YIPF4: variants seen among roughly 807,000 people sequenced by gnomAD.
The protein encoded by YIPF4 is protein YIPF4.
A neutral mutation model predicts 29.4 loss-of-function variants in YIPF4; 18 were observed. The ratio of observed to expected loss-of-function variants is 0.61; its 90% confidence interval spans 0.42 to 0.91. The LOEUF (loss-of-function observed/expected upper bound fraction) is 0.91. YIPF4 is among the 40% of genes least tolerant of loss of function. The probability of loss-of-function intolerance (pLI) is 0.00; values close to 1 mark genes in which losing one functional copy is unlikely to be tolerated. For missense variants in YIPF4, 279 were observed against 282.7 expected, an observed-to-expected ratio of 0.99 and a Z score of 0.09; for synonymous variants, 115 against 104.7, an observed-to-expected ratio of 1.10 and a Z score of -0.60.
intron 1 of YIPF4, among the ~76,000 whole-genome samples, chr2:32,286,728 T>G (rs2030687674): frequency 6.6e-6 from 1 of 152,050 alleles, no homozygotes; most frequent in Non-Finnish European, 1.5e-5. Flanking sequence ...GCATTTTTAG[T>G]AGAGACAGGG....
Position 32,290,559 on chromosome 2 carries a change from T to G in YIPF4, c.156T>G (p.Thr52=), listed in dbSNP as rs2030866743. 2 of 1,591,788 alleles carry G rather than the reference T, an allele frequency of 1.3e-6. No individual in the cohort carries two copies. The highest frequency in any genetic ancestry group is 4.6e-5 in the East Asian group (2 of 43,090). ...ATTTTATCAAAGAATCTACAGCTAC[T>G]ACATTTCTGAGACAAAGAGGTTATG... is the stretch of plus-strand genomic sequence containing the variant. ...GGDFIKESTA[T]TFLRQRGYGW... is the part of the protein sequence containing the mutation. The change falls in exon 2 of 6, where the codon ACT becomes ACG. Residue 52 remains threonine (T), a synonymous_variant. Coordinates refer to ENST00000238831, the MANE Select transcript of YIPF4 (RefSeq NM_032312.4).
Position 32,314,165 on chromosome 2 carries a change from GT to G in YIPF4, c.*8541del, listed in dbSNP as rs1467932985. On this transcript the variant is annotated 3_prime_UTR_variant, in exon 6 of 6. Transcript: ENST00000238831. ...ATGTCCATCAACACAGAATAGACAA[GT>G]TGGTATAATTACACAATGGAATCTT... 6.6e-6 allele frequency: 1 copy of G among 152,200 alleles called. No homozygotes were observed. Among genetic ancestry groups the G allele is most frequent in the Non-Finnish European group, 1.5e-5 (1 of 68,046 alleles). 9.4% of individuals were successfully genotyped at this position (152,200 alleles called of 1,614,324 possible).
chr2:32,279,626 G>T (rs2030296483), intron 1 of YIPF4, among the ~76,000 whole-genome samples: 1 of 140,232 alleles, frequency 7.1e-6, no homozygotes, highest in East Asian at 2.2e-4. Flanking sequence ...AGCCAGGATG[G>T]TCTCGATCTC....
intron 5 of YIPF4, among the ~76,000 whole-genome samples, chr2:32,303,893 T>A (rs2031488006): frequency 6.6e-6 from 1 of 152,188 alleles, no homozygotes; most frequent in Admixed American, 6.5e-5. Context: ...CTTACCATCA[T>A]TTCCTGGTGT....
At chr2:32,301,994 C>G (rs1203735073) in intron 5 of YIPF4, among the ~76,000 whole-genome samples, 1 of 150,880 alleles carries the variant, frequency 6.6e-6, no homozygotes, top group Non-Finnish European at 1.5e-5. Flanking sequence ...CATGAGCCAC[C>G]ACACCCGGCC....
Position 32,292,141 on chromosome 2 carries a change from G to C in YIPF4, c.234-36G>C, listed in dbSNP as rs137991480. On this transcript the variant is annotated intron_variant, in intron 2 of 5. Transcript: ENST00000238831. ...TGGAATTGTTTTAGTATTCAGAAAT[G>C]TGTGCCTTTTGAGAATTTTTATTTT... The C allele has an allele frequency of 1.4e-4, 188 of 1,330,352 alleles. No homozygotes were observed. The East Asian group carries it at 4.8e-3, about 34-fold the overall frequency. The allele number at this position is 1,330,352 out of a possible 1,614,324, so 82.4% of individuals were successfully genotyped here. A position where few individuals can be genotyped will look rare whatever the true frequency, so the allele number is the denominator to read the frequency against.
chr2:32,293,895 A>AC (rs1178999055), intron 3 of YIPF4, among the ~76,000 whole-genome samples: 28 of 88,474 alleles, frequency 3.2e-4, no homozygotes, highest in Admixed American at 7.3e-4. Flanking sequence ...CGGGGGGCTG[A>AC]CCCCCCCCAC....
chr2:32,301,717 A>T (rs1054760547), intron 5 of YIPF4, among the ~76,000 whole-genome samples: 1 of 152,162 alleles, frequency 6.6e-6, no homozygotes, highest in Non-Finnish European at 1.5e-5. Flanking sequence ...ACAAAGAGCA[A>T]ATCAGGTTTC....
intron 4 of YIPF4, among the ~76,000 whole-genome samples, chr2:32,300,249 A>ATGTTT (rs2031351809): frequency 7.2e-6 from 1 of 139,312 alleles, no homozygotes; most frequent in African/African-American, 2.7e-5. Flanking sequence ...CTGGGCAACA[A>ATGTTT]GAGCGAAACT....
chr2:32,284,074 A>C (rs1044676380), intron 1 of YIPF4, among the ~76,000 whole-genome samples: 7 of 152,056 alleles, frequency 4.6e-5, no homozygotes, highest in African/African-American at 1.7e-4. Flanking sequence ...CCTTCCATCA[A>C]TTAATTCATT....
Position 32,277,963 on chromosome 2 carries a change from G to C in YIPF4, c.-193G>C. On this transcript the variant is annotated 5_prime_UTR_variant, in exon 1 of 6. Coordinates refer to ENST00000238831, the MANE Select transcript of YIPF4 (RefSeq NM_032312.4). ...GTGGTGCTTGGGTGGTCGCCACCAA[G>C]AAGACTTTGGTGGGGTAGTCTCGGG... 3.7e-6 allele frequency: 2 copies of C among 541,470 alleles called. No homozygotes were observed. Among genetic ancestry groups the C allele is most frequent in the Non-Finnish European group, 6.5e-6 (2 of 309,896 alleles). The allele number at this position is 541,470 out of a possible 1,614,324, so 33.5% of individuals were successfully genotyped here. A position where few individuals can be genotyped will look rare whatever the true frequency, so the allele number is the denominator to read the frequency against.
chr2:32,298,253 C>G lies in YIPF4; in HGVS notation c.425C>G (p.Thr142Ser). ...GQFRVVSWIITIWIFGSLTIF... is the reference protein window; with the variant it reads ...GQFRVVSWIISIWIFGSLTIF... The stretch of plus-strand genomic sequence containing the variant: ...CCTAAGGTGGTCTCATGGATTATAA[C>G]CATTTGGATATTTGGTTCACTAACA... The change falls in exon 4 of 6, where the codon ACC becomes AGC. Residue 142 changes from threonine to serine, a missense_variant. By Grantham distance (58) the Thr-to-Ser change is moderately conservative. Coordinates refer to ENST00000238831, the MANE Select transcript of YIPF4 (RefSeq NM_032312.4). 6.2e-7 allele frequency: 1 copy of G among 1,609,296 alleles called. No homozygotes were observed. Among genetic ancestry groups the G allele is most frequent in the South Asian group, 1.1e-5 (1 of 90,424 alleles).
Position 32,290,637 on chromosome 2 carries a change from G to T in YIPF4, c.233+1G>T. 6.8e-7 allele frequency: 1 copy of T among 1,466,214 alleles called. No homozygotes were observed. Among genetic ancestry groups the T allele is most frequent in the East Asian group, 2.6e-5 (1 of 38,956 alleles). The allele number at this position is 1,466,214 out of a possible 1,614,324, so 90.8% of individuals were successfully genotyped here. On this transcript the variant is annotated splice_donor_variant, in intron 2 of 5. Transcript: ENST00000238831. LOFTEE classifies it high-confidence loss of function. ...ATCCTGAAGATAACAAGCCACTCTT[G>T]TATGTAAAAATAATAATATATATTT...
In YIPF4 at chr2:32,277,960, C is replaced by T. The variant is rs1203642760; in HGVS notation, c.-196C>T. 3.7e-6 allele frequency: 2 copies of T among 540,490 alleles called. No individual in the cohort carries two copies. Among genetic ancestry groups the T allele is most frequent in the African/African-American group, 2.0e-5 (1 of 49,056 alleles). 33.5% of individuals were successfully genotyped at this position (540,490 alleles called of 1,614,324 possible). On this transcript the variant is annotated 5_prime_UTR_variant, in exon 1 of 6. Transcript: ENST00000238831. ...GTCGTGGTGCTTGGGTGGTCGCCAC[C>T]AAGAAGACTTTGGTGGGGTAGTCTC...
rs1018230250 is a variant in YIPF4, at chr2:32,278,103, T to G, written c.-53T>G. ...GGTCGCCGCCGCGGCCGCCTCGGGG[T>G]CTGGGCCCAGCCGCAGCCTCTTCTA... On this transcript the variant is annotated 5_prime_UTR_variant, in exon 1 of 6. Transcript: ENST00000238831. 11 of 1,501,292 alleles carry G rather than the reference T, an allele frequency of 7.3e-6. No homozygotes were observed. The allele number at this position is 1,501,292 out of a possible 1,614,324, so 93.0% of individuals were successfully genotyped here.
chr2:32,278,252 GAAGGGCTA>G lies in YIPF4; in HGVS notation c.79+19_79+26del. Reference sequence around the variant, plus strand: ...CGCGGAAGGTGAGGCTGAGCCCCTGGAAGGGCTATCACCCGGAGGAAGCCAGGGCCCGA... The same window carrying G: ...CGCGGAAGGTGAGGCTGAGCCCCTGGTCACCCGGAGGAAGCCAGGGCCCGA... On this transcript the variant is annotated intron_variant, in intron 1 of 5. Transcript: ENST00000238831. 6.5e-7 allele frequency: 1 copy of G among 1,545,070 alleles called. No individual in the cohort carries two copies. Among genetic ancestry groups the G allele is most frequent in the Non-Finnish European group, 8.7e-7 (1 of 1,145,242 alleles).
intron 3 of YIPF4, 143 bp from the exon 4 acceptor site, chr2:32,298,091 G>A: frequency 1.7e-6 from 1 of 583,116 alleles, no homozygotes; most frequent in South Asian, 2.3e-5. Context: ...AAGTTTTGGA[G>A]TAATACCTGA....
intron 3 of YIPF4, among the ~76,000 whole-genome samples, chr2:32,297,987 A>G (rs1369124960): frequency 6.6e-6 from 1 of 152,088 alleles, no homozygotes; most frequent in African/African-American, 2.4e-5. Flanking sequence ...ATCTTTTATC[A>G]TAGATTTTGA....
chr2:32,301,943 G>A (rs567501226), intron 5 of YIPF4, among the ~76,000 whole-genome samples: 12 of 152,184 alleles, frequency 7.9e-5, no homozygotes, highest in Middle Eastern at 3.4e-3. Flanking sequence ...GACCTCAGGT[G>A]ATCTGCCTGC....
Sources: allele counts gnomAD v4.1 joint callset (sites outside exome capture counted in the v4.1 genomes callset), GRCh38; gene constraint gnomAD v4.1.1; transcripts MANE v1.5; gene names NCBI Gene and HGNC (gene_info 2026-07-23, HGNC 2026-07-21).